Variants in CDIN1 observed in about 807,000 individuals in gnomAD.
CDIN1 encodes CDAN1 interacting nuclease 1.
In CDIN1, 33 loss-of-function variants were observed where a neutral mutation model predicts 45.3. The observed-to-expected ratio is 0.73, with a 90% confidence interval of 0.55 to 0.97. CDIN1 has a LOEUF of 0.97. Among genes scored for constraint, CDIN1 ranks in the 50% least tolerant of loss-of-function variants. The pLI is 0.00. For synonymous variants in CDIN1, 118 were observed against 124.4 expected, an observed-to-expected ratio of 0.95 and a Z score of 0.34; for missense variants, 303 against 339.4, an observed-to-expected ratio of 0.89 and a Z score of 0.84.
chr15:36,591,038 A>G (rs144460922), intron 1 of CDIN1, among the ~76,000 whole-genome samples: 10 of 152,336 alleles, frequency 6.6e-5, no homozygotes, highest in Admixed American at 2.0e-4. Flanking sequence ...TTTAGGATGA[A>G]TAGAGATGCA....
chr15:36,762,173 T>TATG (rs1555405538), intron 10 of CDIN1, among the ~76,000 whole-genome samples: 1 of 151,688 alleles, frequency 6.6e-6, no homozygotes, highest in Non-Finnish European at 1.5e-5. Flanking sequence ...AGGCTGCCCT[T>TATG]GTGAGCACTC....
chr15:36,719,974 C>T (rs188995416), intron 10 of CDIN1, among the ~76,000 whole-genome samples: 168 of 151,982 alleles, frequency 1.1e-3, no homozygotes, highest in Non-Finnish European at 2.0e-3. Context: ...TTTCTAATTC[C>T]TGATATTGAT....
intron 7 of CDIN1, among the ~76,000 whole-genome samples, chr15:36,693,116 C>A (rs1299193489): frequency 6.6e-6 from 1 of 152,242 alleles, no homozygotes; most frequent in African/African-American, 2.4e-5. Context: ...CTAGTCAAAT[C>A]GTGTACATGT....
At position 36,591,588 on chromosome 15, in the gene CDIN1, T is replaced by C. The variant is rs151151970; in HGVS notation, c.101+11627T>C. ...AAAAATACATTTAACCTCAAGTTTA[T>C]AACATGTTCAGTTTTTTATTTGCAT... On this transcript the variant is annotated intron_variant, in intron 1 of 10. Transcript: ENST00000566621. Among the ~76,000 whole-genome samples, 453 of 152,354 alleles carry C rather than the reference T, an allele frequency of 3.0e-3. 2 individuals carry two copies. Among genetic ancestry groups the C allele is most frequent in the African/African-American group, 0.01 (427 of 41,576 alleles).
At chr15:36,655,013 T>G (rs2040724444) in intron 4 of CDIN1, among the ~76,000 whole-genome samples, 1 of 152,110 alleles carries the variant, frequency 6.6e-6, no homozygotes, top group Non-Finnish European at 1.5e-5. Flanking sequence ...AGGCAGAAAA[T>G]GTGTGTTTGC....
chr15:36,783,070 G>T (rs1215584149), intron 10 of CDIN1, among the ~76,000 whole-genome samples: 1 of 152,034 alleles, frequency 6.6e-6, no homozygotes, highest in African/African-American at 2.4e-5. Context: ...CTCTCCTCGG[G>T]TACTCAGAGT....
At chr15:36,745,086 G>C (rs1209593534) in intron 10 of CDIN1, among the ~76,000 whole-genome samples, 1 of 152,074 alleles carries the variant, frequency 6.6e-6, no homozygotes, top group Non-Finnish European at 1.5e-5. Context: ...TGGAAACCCA[G>C]CCAGGGTTAT....
chr15:36,747,355 G>A (rs553184898), intron 10 of CDIN1: 4 of 189,808 alleles, frequency 2.1e-5, no homozygotes, highest in African/African-American at 7.0e-5. Context: ...AAAAAAGGGC[G>A]GCTGTTGGAC....
At chr15:36,750,979 T>G (rs2053443643) in intron 10 of CDIN1, among the ~76,000 whole-genome samples, 1 of 151,990 alleles carries the variant, frequency 6.6e-6, no homozygotes, top group South Asian at 2.1e-4. Context: ...TTTGCTAATG[T>G]GAACTGCCAA....
intron 1 of CDIN1, among the ~76,000 whole-genome samples, chr15:36,607,980 C>T (rs1054681382): frequency 3.9e-5 from 6 of 152,180 alleles, no homozygotes; most frequent in Middle Eastern, 3.2e-3. Flanking sequence ...CTAGCTTTAA[C>T]GTAGCGTAAT....
At chr15:36,641,926 C>A (rs1467133438) in intron 1 of CDIN1, 1 of 152,240 alleles carries the variant, frequency 6.6e-6, no homozygotes, top group Non-Finnish European at 1.5e-5. Flanking sequence ...TCTTTCTCCT[C>A]TCCTCTTTAG....
At chr15:36,703,539 A>G (rs932128383) in intron 8 of CDIN1, among the ~76,000 whole-genome samples, 2 of 151,494 alleles carry the variant, frequency 1.3e-5, no homozygotes, top group African/African-American at 2.4e-5. Flanking sequence ...TAGGGTAGCA[A>G]TGCCGGACAG....
At chr15:36,651,551 AT>A (rs1056378438) in intron 3 of CDIN1, among the ~76,000 whole-genome samples, 2 of 152,068 alleles carry the variant, frequency 1.3e-5, no homozygotes, top group Non-Finnish European at 2.9e-5. Context: ...ATTAAACTTA[AT>A]TTTTTTTCCT....
intron 1 of CDIN1, among the ~76,000 whole-genome samples, chr15:36,590,932 A>G (rs761536194): frequency 2.6e-5 from 4 of 152,244 alleles, no homozygotes; most frequent in Non-Finnish European, 4.4e-5. Flanking sequence ...CCTAGTATGA[A>G]TGATCCAGAT....
intron 10 of CDIN1, among the ~76,000 whole-genome samples, chr15:36,792,417 T>G (rs2054667532): frequency 2.0e-5 from 3 of 152,178 alleles, no homozygotes; most frequent in African/African-American, 7.2e-5. Context: ...AGGAAACTGT[T>G]AGCCGTTCAC....
intron 10 of CDIN1, among the ~76,000 whole-genome samples, chr15:36,800,909 G>GTGTATATATATATATATA (rs1156514805): frequency 8.5e-4 from 19 of 22,392 alleles, no homozygotes; most frequent in South Asian, 4.3e-3. Context: ...GTGTGTGTGT[G>GTGTATATATATATATATA]TATATATATA....
In CDIN1 at chr15:36,687,658, G is replaced by A. The variant is rs567837260; in HGVS notation, c.347-4027G>A. ...GCAAGCATTGGCAGAATTATAAGGA[G>A]AAACTGACAACTCCACAGTAGTAGT... On this transcript the variant is annotated intron_variant, in intron 5 of 10. Coordinates refer to ENST00000566621, the MANE Select transcript of CDIN1 (RefSeq NM_001321759.2). Among the ~76,000 whole-genome samples, 111 of 152,082 alleles carry A rather than the reference G, an allele frequency of 7.3e-4. 2 individuals are homozygous for A. The South Asian group carries it at 0.022, about 30-fold the overall frequency.
chr15:36,804,221 G>C (rs995375551), intron 10 of CDIN1, among the ~76,000 whole-genome samples: 10 of 152,278 alleles, frequency 6.6e-5, no homozygotes, highest in African/African-American at 2.4e-4. Context: ...TGGGCACATA[G>C]TAAGTGGGGT....
At chr15:36,730,700 A>C (rs1229180830) in intron 10 of CDIN1, among the ~76,000 whole-genome samples, 1 of 151,984 alleles carries the variant, frequency 6.6e-6, no homozygotes, top group Non-Finnish European at 1.5e-5. Context: ...CATATCCCTC[A>C]CCCCACAAAT....
Sources: gnomAD v4.1 joint callset for allele counts (sites outside exome capture counted in the v4.1 genomes callset) on GRCh38, gnomAD v4.1.1 for gene constraint, MANE v1.5 for transcripts, NCBI Gene and HGNC (gene_info 2026-07-23, HGNC 2026-07-21) for gene names.